The following HS1BP3 variants were observed in gnomAD, a reference collection of about 807,000 sequenced individuals.
The protein encoded by HS1BP3 is HCLS1-binding protein 3.
Under a neutral mutation model 33.5 loss-of-function variants are expected in HS1BP3, and 32 were observed. That is an observed-to-expected ratio of 0.95 (90% confidence interval 0.72 to 1.28). The LOEUF (loss-of-function observed/expected upper bound fraction) is 1.28. HS1BP3 is among the 50% of genes most tolerant of loss of function. HS1BP3 has a pLI of 0.00. For missense variants in HS1BP3, 486 were observed against 502.3 expected, an observed-to-expected ratio of 0.97 and a Z score of 0.31; for synonymous variants, 187 against 209.2, an observed-to-expected ratio of 0.89 and a Z score of 0.92.
At chr2:20,554,636 C>T in the HS1BP3 span, among the ~76,000 whole-genome samples, 489 of 150,470 alleles carry the variant, frequency 3.2e-3, 5 homozygotes, top group African/African-American at 0.011. Context: ...GCAGGGGAAT[C>T]GCTTGAACCC....
chr2:20,649,237 C>T (rs1443462125), intron 1 of HS1BP3, among the ~76,000 whole-genome samples: 1 of 152,252 alleles, frequency 6.6e-6, no homozygotes, highest in Non-Finnish European at 1.5e-5. Flanking sequence ...CATCACCTAA[C>T]ACTCTCCCTG....
rs1695334827 is a variant in HS1BP3 at position 20,641,159 on chromosome 2, T to C, written c.220A>G (p.Ile74Val). The C allele has an allele frequency of 6.2e-7, 1 of 1,607,524 alleles. No individual in the cohort carries two copies. The highest frequency in any genetic ancestry group is 1.3e-5 in the African/African-American group (1 of 74,910). Residue 74 changes from isoleucine to valine, a missense_variant, in exon 3 of 7, where the codon ATT becomes GTT. By Grantham distance (29) the Ile-to-Val change is conservative. Transcript: ENST00000304031. ...CTCAGTTTCTGGTAAAACTCCTCAA[T>C]CTCGCTGTACTTTTTGGAGACCTGG... The part of the protein sequence containing the change: ...QFLVSKKYSE[I>V]EEFYQKLSSR...
At chr2:20,569,863 T>C (rs1693223765) in intron 5 of HS1BP3, among the ~76,000 whole-genome samples, 1 of 152,212 alleles carries the variant, frequency 6.6e-6, no homozygotes, top group Non-Finnish European at 1.5e-5. Flanking sequence ...CCACCGCCTC[T>C]CTCTACTTTC....
chr2:20,638,548 C>CA lies in HS1BP3; in HGVS notation c.510dup (p.Glu171Ter). 4 of 1,614,224 alleles carry CA rather than the reference C, an allele frequency of 2.5e-6. No homozygotes were observed. The highest frequency in any genetic ancestry group is 3.4e-6 in the Non-Finnish European group (4 of 1,180,036). ...TCTTCTGCCACTTGGTCTTGCTCCT[C>CA]AAAAAAGTCGAAAGCCTCTTCATCA... On this transcript the variant is annotated frameshift_variant, in exon 4 of 7. Coordinates refer to ENST00000304031, the MANE Select transcript of HS1BP3 (RefSeq NM_022460.4). LOFTEE classifies it high-confidence loss of function.
chr2:20,645,647 G>A (rs1393944628), intron 1 of HS1BP3, 142 bp from the exon 2 acceptor site: 2 of 802,534 alleles, frequency 2.5e-6, no homozygotes, highest in South Asian at 3.7e-5. Flanking sequence ...CACTGCTCCA[G>A]GCCACCCATC....
chr2:20,593,368 G>C (rs1340904670), intron 3 of HS1BP3, among the ~76,000 whole-genome samples: 1 of 152,132 alleles, frequency 6.6e-6, no homozygotes, highest in Non-Finnish European at 1.5e-5. Flanking sequence ...TAGGCCACAG[G>C]CTTGTTTTGT....
intron 4 of HS1BP3, among the ~76,000 whole-genome samples, chr2:20,625,609 CCT>C (rs1265345336): frequency 6.6e-6 from 1 of 152,204 alleles, no homozygotes; most frequent in African/African-American, 2.4e-5. Flanking sequence ...GAGCAGCCCC[CCT>C]CTTTCAGGAA....
chr2:20,607,264 T>C (rs534191778), intron 2 of HS1BP3, among the ~76,000 whole-genome samples: 2 of 152,248 alleles, frequency 1.3e-5, no homozygotes, highest in South Asian at 4.1e-4. Flanking sequence ...CAAGCAATTC[T>C]CCTGCCTTGG....
chr2:20,588,111 C>T (rs1330436818), downstream of HS1BP3, among the ~76,000 whole-genome samples: 1 of 150,376 alleles, frequency 6.6e-6, no homozygotes, highest in Non-Finnish European at 1.5e-5. Flanking sequence ...GTGGACTTGT[C>T]TCTCCAAGAT....
At chr2:20,597,835 C>G (rs558828066) in intron 3 of HS1BP3, among the ~76,000 whole-genome samples, 4 of 152,128 alleles carry the variant, frequency 2.6e-5, no homozygotes, top group African/African-American at 7.2e-5. Flanking sequence ...TTTCCCAGCC[C>G]GTAAACCCTT....
intron 1 of HS1BP3, among the ~76,000 whole-genome samples, chr2:20,648,041 T>G (rs1235656190): frequency 1.3e-5 from 2 of 152,230 alleles, no homozygotes; most frequent in Non-Finnish European, 2.9e-5. Flanking sequence ...ACAAACTGGC[T>G]GGCTGCTCCT....
At chr2:20,616,120 C>G (rs1694420072), downstream of HS1BP3, among the ~76,000 whole-genome samples, 1 of 152,172 alleles carries the variant, frequency 6.6e-6, no homozygotes, top group Non-Finnish European at 1.5e-5. Context: ...TGTTGTTGTC[C>G]CCAGTTAAAC....
At chr2:20,636,587 G>T (rs1695137897) in intron 4 of HS1BP3, 1 of 152,228 alleles carries the variant, frequency 6.6e-6, no homozygotes, top group African/African-American at 2.4e-5. Context: ...AAGCAGTTTG[G>T]CGAGTCATGA....
intron 1 of HS1BP3, among the ~76,000 whole-genome samples, chr2:20,647,202 T>C (rs548731085): frequency 6.6e-6 from 1 of 152,148 alleles, no homozygotes; most frequent in Non-Finnish European, 1.5e-5. Context: ...CCAATGGTTC[T>C]CTGACCACGC....
chr2:20,636,719 G>T (rs1483032233), intron 4 of HS1BP3: 1 of 152,202 alleles, frequency 6.6e-6, no homozygotes, highest in African/African-American at 2.4e-5. Flanking sequence ...TGTGTCCTGG[G>T]TCATGGCGTA....
chr2:20,614,969 G>T (rs1180705556), downstream of HS1BP3, among the ~76,000 whole-genome samples: 2 of 152,248 alleles, frequency 1.3e-5, no homozygotes, highest in Non-Finnish European at 2.9e-5. Flanking sequence ...GGGATTCTGT[G>T]TGTCGCAGCG....
intron 5 of HS1BP3, among the ~76,000 whole-genome samples, chr2:20,581,009 C>T (rs1572301083): frequency 2.6e-5 from 4 of 152,376 alleles, no homozygotes; most frequent in African/African-American, 9.6e-5. Context: ...GCTTGTCAGG[C>T]ATGCACTCCA....
downstream of HS1BP3, among the ~76,000 whole-genome samples, chr2:20,616,602 G>A (rs1337855417): frequency 6.6e-6 from 1 of 152,176 alleles, no homozygotes; most frequent in African/African-American, 2.4e-5. Flanking sequence ...TTACTGGCCC[G>A]ATGACCACAC....
At chr2:20,630,978 G>A (rs993842642) in intron 4 of HS1BP3, among the ~76,000 whole-genome samples, 1 of 151,956 alleles carries the variant, frequency 6.6e-6, no homozygotes, top group Non-Finnish European at 1.5e-5. Context: ...AGAGGGGGAT[G>A]TAGGAGAACT....
Sources: allele counts gnomAD v4.1 joint callset (sites outside exome capture counted in the v4.1 genomes callset), GRCh38; gene constraint gnomAD v4.1.1; transcripts MANE v1.5; gene names NCBI Gene and HGNC (gene_info 2026-07-23, HGNC 2026-07-21).